DCUN1D2: variants seen among roughly 807,000 people sequenced by gnomAD.
DCUN1D2 encodes DCN1-like protein 2.
DCUN1D2 carries 29 observed loss-of-function variants against 30.9 expected under a neutral mutation model. The ratio of observed to expected loss-of-function variants is 0.94; its 90% CI spans 0.70 to 1.28. The LOEUF is 1.28. DCUN1D2 is among the 50% of genes most tolerant of loss of function. The pLI is 0.00. For synonymous variants in DCUN1D2, 121 were observed against 115.3 expected (o/e 1.05, Z -0.32); for missense variants, 325 against 316.9 (o/e 1.03, Z -0.19).
At chr13:113,458,474 C>T (rs1402476392) in intron 6 of DCUN1D2, among the ~76,000 whole-genome samples, 3 of 152,218 alleles carry the variant, frequency 2.0e-5, no homozygotes, top group East Asian at 1.9e-4. Flanking sequence ...AGGGGGTGCT[C>T]CCTCCTGCGG....
chr13:113,465,150 T>C (rs2044380877), intron 4 of DCUN1D2, among the ~76,000 whole-genome samples: 1 of 152,216 alleles, frequency 6.6e-6, no homozygotes, highest in South Asian at 2.1e-4. Flanking sequence ...AGCTGAGTTA[T>C]CCTAAGATTA....
intron 4 of DCUN1D2, among the ~76,000 whole-genome samples, chr13:113,473,435 T>A (rs1474374524): frequency 6.6e-6 from 1 of 152,170 alleles, no homozygotes; most frequent in African/African-American, 2.4e-5. Context: ...ATGGGCCACA[T>A]TAATGGTCCA....
At chr13:113,481,758 C>T (rs1406619767) in intron 2 of DCUN1D2, among the ~76,000 whole-genome samples, 2 of 151,642 alleles carry the variant, frequency 1.3e-5, no homozygotes, top group African/African-American at 4.9e-5. Context: ...GTGGCTCACG[C>T]CTATAGTCCC....
At chr13:113,490,926 C>G (rs1234511752), upstream of DCUN1D2, 1 of 224,032 alleles carries the variant, frequency 4.5e-6, no homozygotes, top group South Asian at 1.8e-4. The surrounding 1 kb of genome is among the most constrained non-coding windows in gnomAD (Gnocchi z 5.2). Context: ...CTGCGGCTGC[C>G]AGGCCCCACG....
At chr13:113,485,193 T>C (rs962751405) in intron 1 of DCUN1D2, among the ~76,000 whole-genome samples, 27 of 152,198 alleles carry the variant, frequency 1.8e-4, no homozygotes, top group Non-Finnish European at 1.5e-4. Context: ...ATCCACTGGA[T>C]GCTAACGTTT....
chr13:113,469,831 C>T (rs1417855959), intron 4 of DCUN1D2, among the ~76,000 whole-genome samples: 1 of 152,112 alleles, frequency 6.6e-6, no homozygotes. Flanking sequence ...AGAGCAAGAC[C>T]CTGTCTCGAA....
intron 4 of DCUN1D2, among the ~76,000 whole-genome samples, chr13:113,473,116 C>G (rs1441869872): frequency 3.3e-5 from 5 of 150,168 alleles, no homozygotes; most frequent in Non-Finnish European, 1.5e-5. Context: ...GTCCCTCTGT[C>G]CCCCGTCTCT....
At chr13:113,472,538 A>G (rs2139707653) in intron 4 of DCUN1D2, among the ~76,000 whole-genome samples, 1 of 152,318 alleles carries the variant, frequency 6.6e-6, no homozygotes, top group South Asian at 2.1e-4. Context: ...GGGGACATGA[A>G]CAATAAACTG....
chr13:113,477,101 T>C (rs2044630267), intron 3 of DCUN1D2, among the ~76,000 whole-genome samples: 1 of 152,236 alleles, frequency 6.6e-6, no homozygotes, highest in Non-Finnish European at 1.5e-5. Flanking sequence ...ATCTTGTTCT[T>C]TTTCTTCAAG....
intron 4 of DCUN1D2, among the ~76,000 whole-genome samples, chr13:113,469,497 C>T (rs760932778): frequency 1.1e-4 from 17 of 151,784 alleles, no homozygotes; most frequent in African/African-American, 4.1e-4. Flanking sequence ...CCGGGCAACA[C>T]AGTAAAACTC....
Position 113,490,171 on chromosome 13 carries a change from G to A in DCUN1D2, c.3+496C>T, listed in dbSNP as rs2044918095. On this transcript the variant is annotated intron_variant, in intron 1 of 6. Coordinates refer to ENST00000478244, the MANE Select transcript of DCUN1D2 (RefSeq NM_001014283.2). This position sits in a 1 kb window ranked among gnomAD's most constrained non-coding sequence, Gnocchi z 5.2. ...CAGCTCCCGGCTAGAGCCCGCGCTAGGGCCCCGCTGTGCCTCTCCCTCCCC... is the reference window on the plus strand; with the variant it reads ...CAGCTCCCGGCTAGAGCCCGCGCTAAGGCCCCGCTGTGCCTCTCCCTCCCC... 6.6e-6 allele frequency among the ~76,000 whole-genome samples: 1 copy of A among 152,192 alleles called. No homozygotes were observed. The highest frequency in any genetic ancestry group is 2.4e-5 in the African/African-American group (1 of 41,458).
chr13:113,458,561 G>A (rs1033678831), intron 6 of DCUN1D2, among the ~76,000 whole-genome samples: 13 of 152,210 alleles, frequency 8.5e-5, no homozygotes, highest in African/African-American at 3.1e-4. Flanking sequence ...CTCCTGCACT[G>A]CTGCCTCAAT....
At chr13:113,485,202 T>C (rs2044780639) in intron 1 of DCUN1D2, among the ~76,000 whole-genome samples, 1 of 152,198 alleles carries the variant, frequency 6.6e-6, no homozygotes, top group Admixed American at 6.5e-5. Flanking sequence ...ATGCTAACGT[T>C]TTACAAAAAT....
Position 113,480,677 on chromosome 13 carries a change from T to A in DCUN1D2, c.287A>T (p.Asp96Val), listed in dbSNP as rs774140868. The change falls in exon 3 of 7, where the codon GAT (aspartate) becomes GTT (valine). Residue 96 changes from aspartate (D) to valine (V), a missense_variant. Physicochemically the swap from Asp to Val is radical, Grantham distance 152. Coordinates refer to ENST00000478244, the MANE Select transcript of DCUN1D2 (RefSeq NM_001014283.2). Reference protein sequence around the residue: ...IQQFCDDLSLDPASISVLVIA... With the variant: ...IQQFCDDLSLVPASISVLVIA... ...GACCAATACACTGATACTGGCAGGA[T>A]CCAGGCTCAGATCATCACAAAACTG... 23 of 1,614,052 alleles carry A rather than the reference T, an allele frequency of 1.4e-5. No homozygotes were observed. Among genetic ancestry groups the A allele is most frequent in the Non-Finnish European group, 1.9e-5 (23 of 1,180,012 alleles).
At chr13:113,489,005 T>C (rs145563224) in intron 1 of DCUN1D2, 470 of 477,206 alleles carry the variant, frequency 9.8e-4, no homozygotes, top group African/African-American at 9.1e-3. Flanking sequence ...CCTTGTGAAA[T>C]ACGACTCATA....
At chr13:113,459,473 C>G in intron 5 of DCUN1D2, 65 bp from the exon 6 acceptor site, 1 of 749,372 alleles carries the variant, frequency 1.3e-6, no homozygotes, top group South Asian at 1.5e-5. Flanking sequence ...CTCATATATT[C>G]TAGTGGCCTA....
intron 5 of DCUN1D2, among the ~76,000 whole-genome samples, chr13:113,460,366 G>A (rs1007615921): frequency 6.6e-5 from 10 of 152,214 alleles, no homozygotes; most frequent in African/African-American, 2.2e-4. Flanking sequence ...TGGGTTGGGC[G>A]GTGGAAGACC....
intron 2 of DCUN1D2, 74 bp from the exon 3 acceptor site, chr13:113,480,817 T>C (rs2044695440): frequency 2.0e-6 from 3 of 1,505,522 alleles, no homozygotes; most frequent in Non-Finnish European, 1.8e-6. Context: ...GTTTGAATCC[T>C]AGCATTCGAT....
At position 113,480,565 on chromosome 13, in the gene DCUN1D2, G is replaced by A. The variant is rs551162196; in HGVS notation, c.389+10C>T. On this transcript the variant is annotated intron_variant, in intron 3 of 6. Transcript: ENST00000478244. ...TCTGAAAACATTTAAGCTAAGAATAGTTGACTTACCCAAGTTCTGTCATGC... is the reference window on the plus strand; with the variant it reads ...TCTGAAAACATTTAAGCTAAGAATAATTGACTTACCCAAGTTCTGTCATGC... The A allele has an allele frequency of 1.9e-6, 3 of 1,613,898 alleles. No homozygotes were observed. Among genetic ancestry groups the A allele is most frequent in the African/African-American group, 1.3e-5 (1 of 75,024 alleles).
Sources: allele counts gnomAD v4.1 joint callset (sites outside exome capture counted in the v4.1 genomes callset), GRCh38; gene constraint gnomAD v4.1.1; non-coding constraint Gnocchi (gnomAD v3.1); transcripts MANE v1.5; gene names NCBI Gene and HGNC (gene_info 2026-07-23, HGNC 2026-07-21).